FXN: variants seen among roughly 807,000 people sequenced by gnomAD.
FXN encodes the protein frataxin, also known as frataxin, mitochondrial.
Under a neutral mutation model 22.4 loss-of-function variants are expected in FXN, and 14 were observed. The observed-to-expected ratio is 0.62, with a 90% CI of 0.41 to 0.98. The LOEUF is 0.98. Ranked by LOEUF, FXN falls within the 50% of genes least tolerant of loss-of-function variation. The pLI, the probability that FXN is intolerant of heterozygous loss-of-function variation, is 0.00. For synonymous variants in FXN, 120 were observed against 114.1 expected (o/e 1.05, Z -0.33); for missense variants, 267 against 268.4 (o/e 0.99, Z 0.04).
intron 3 of FXN, among the ~76,000 whole-genome samples, chr9:69,058,943 C>G (rs1832014255): frequency 6.6e-6 from 1 of 152,132 alleles, no homozygotes; most frequent in African/African-American, 2.4e-5. Flanking sequence ...TGGCAGGCAC[C>G]TGTAGTCCCA....
intron 1 of FXN, among the ~76,000 whole-genome samples, chr9:69,038,913 A>G (rs1257772085): frequency 6.6e-6 from 1 of 152,222 alleles, no homozygotes; most frequent in Non-Finnish European, 1.5e-5. Flanking sequence ...TAAAATTCAC[A>G]ATTAAAAATG....
At chr9:69,040,141 T>C (rs1587814705) in intron 1 of FXN, among the ~76,000 whole-genome samples, 1 of 152,254 alleles carries the variant, frequency 6.6e-6, no homozygotes, top group East Asian at 1.9e-4. Flanking sequence ...ATTCAAACCA[T>C]AGCATGCTGT....
chr9:69,058,163 G>A (rs1156512166), intron 3 of FXN, among the ~76,000 whole-genome samples: 3 of 152,168 alleles, frequency 2.0e-5, no homozygotes, highest in African/African-American at 7.2e-5. Flanking sequence ...AGACTTAAGT[G>A]GCTTCTTAAC....
chr9:69,059,391 C>CTTTTTTTTTTTTTTT (rs35159671), intron 3 of FXN, among the ~76,000 whole-genome samples: 1 of 62,996 alleles, frequency 1.6e-5, no homozygotes, highest in Non-Finnish European at 2.6e-5. Context: ...GAGGCAGCAT[C>CTTTTTTTTTTTTTTT]TTTTTTTTTT....
intron 1 of FXN, among the ~76,000 whole-genome samples, chr9:69,039,179 G>A (rs1831612485): frequency 1.3e-5 from 2 of 151,972 alleles, no homozygotes; most frequent in South Asian, 2.1e-4. Flanking sequence ...CTTGAACCCG[G>A]GAGGTGGTGG....
intron 2 of FXN, among the ~76,000 whole-genome samples, chr9:69,047,710 C>T (rs1011037443): frequency 4.0e-5 from 6 of 151,548 alleles, no homozygotes; most frequent in African/African-American, 1.5e-4. Context: ...AGACTCATTT[C>T]TCTCTCTCTC....
chr9:69,052,216 C>A (rs1038378603), intron 2 of FXN, among the ~76,000 whole-genome samples: 10 of 151,250 alleles, frequency 6.6e-5, no homozygotes, highest in African/African-American at 2.4e-4. Context: ...TGCAGTGGCA[C>A]AATGTCAGCT....
chr9:69,069,519 C>T (rs1832234796), intron 4 of FXN, among the ~76,000 whole-genome samples: 1 of 152,166 alleles, frequency 6.6e-6, no homozygotes, highest in Non-Finnish European at 1.5e-5. Flanking sequence ...TGACACTCAC[C>T]CCGCTGAATG....
In FXN at chr9:69,053,161, T is replaced by C. The variant is rs372775073; in HGVS notation, c.285T>C (p.Tyr95=). ...GHPGSLDETT[Y]ERLAEETLDS... is the part of the protein sequence containing the mutation. ...GCAGCTCTCTAGATGAGACCACCTA[T>C]GAAAGACTAGCAGAGGAAACGCTGG... is the stretch of plus-strand genomic sequence containing the variant. Residue 95 remains tyrosine, a synonymous_variant, in exon 3 of 5, where the codon TAT becomes TAC. Coordinates refer to ENST00000484259, the MANE Select transcript of FXN (RefSeq NM_000144.5). 2.5e-6 allele frequency: 4 copies of C among 1,614,012 alleles called. No homozygotes were observed. The highest frequency in any genetic ancestry group is 1.3e-5 in the African/African-American group (1 of 75,042).
chr9:69,047,789 C>T (rs983323533), intron 2 of FXN, among the ~76,000 whole-genome samples: 1 of 152,088 alleles, frequency 6.6e-6, no homozygotes, highest in Non-Finnish European at 1.5e-5. Flanking sequence ...GCGATCTCGG[C>T]TCACTGCAGC....
chr9:69,041,898 C>T (rs900515346), intron 1 of FXN, among the ~76,000 whole-genome samples: 7 of 152,188 alleles, frequency 4.6e-5, no homozygotes, highest in African/African-American at 1.7e-4. Context: ...CAAGGGCTCA[C>T]GGGTGACCTG....
At chr9:69,037,797 C>T (rs576423115) in intron 1 of FXN, among the ~76,000 whole-genome samples, 1 of 152,238 alleles carries the variant, frequency 6.6e-6, no homozygotes, top group Middle Eastern at 3.4e-3. Context: ...CTCAGCCTCC[C>T]GAGTAGCTGG....
intron 1 of FXN, chr9:69,043,327 G>T (rs1831690868): frequency 6.6e-6 from 1 of 152,172 alleles, no homozygotes; most frequent in African/African-American, 2.4e-5. Flanking sequence ...GCACGAGGAG[G>T]CTGTGATGTT....
chr9:69,044,456 C>T (rs1279613703), intron 1 of FXN, among the ~76,000 whole-genome samples: 2 of 152,148 alleles, frequency 1.3e-5, no homozygotes, highest in East Asian at 1.9e-4. Context: ...TACTTCCCAG[C>T]CCTGTGCCTT....
intron 1 of FXN, among the ~76,000 whole-genome samples, chr9:69,043,871 A>G (rs1225185589): frequency 6.6e-6 from 1 of 152,078 alleles, no homozygotes; most frequent in Admixed American, 6.5e-5. Flanking sequence ...GGCACGAACC[A>G]CAATGCCCGG....
At chr9:69,041,399 A>T (rs1408374006) in intron 1 of FXN, among the ~76,000 whole-genome samples, 4 of 152,192 alleles carry the variant, frequency 2.6e-5, no homozygotes, top group Non-Finnish European at 5.9e-5. Context: ...CACACTGTAA[A>T]TCACACTATC....
chr9:69,073,294 C>T lies in FXN; in HGVS notation c.*532C>T, dbSNP rs756261701. On this transcript the variant is annotated 3_prime_UTR_variant, in exon 5 of 5. Transcript: ENST00000484259. ...ATTGAAGTGTCGAAAGCAACTCACA[C>T]GGGAAGATCATTTCTTATTTGTGCT... 7.0e-6 allele frequency: 7 copies of T among 1,002,698 alleles called. No individual in the cohort carries two copies. The highest frequency in any genetic ancestry group is 8.3e-6 in the Non-Finnish European group (7 of 839,762). 62.1% of individuals were successfully genotyped at this position (1,002,698 alleles called of 1,614,324 possible).
chr9:69,064,514 G>A (rs957642378), intron 3 of FXN, among the ~76,000 whole-genome samples: 2 of 152,152 alleles, frequency 1.3e-5, no homozygotes, highest in East Asian at 3.9e-4. Flanking sequence ...TGTCATGTCT[G>A]ATGTTTGAGT....
rs370579006 is a variant in FXN at position 69,037,130 on chromosome 9, AATGG to A, written c.165+1186_165+1189del. Among the ~76,000 whole-genome samples the A allele has an allele frequency of 5.3e-4, 80 of 152,010 alleles. No homozygotes were observed. In the East Asian group the frequency reaches 0.01, roughly 19 times the overall value. On this transcript the variant is annotated intron_variant, in intron 1 of 4. Transcript: ENST00000484259. Reference sequence around the variant, plus strand: ...AGTGCTTAAAAGTTAGGACTTAGAAAATGGATTTCCTGGCAGGACGCGGTGGCTC... The same window carrying A: ...AGTGCTTAAAAGTTAGGACTTAGAAAATTTCCTGGCAGGACGCGGTGGCTC...
Sources: allele counts gnomAD v4.1 joint callset (sites outside exome capture counted in the v4.1 genomes callset), GRCh38; gene constraint gnomAD v4.1.1; transcripts MANE v1.5; gene names NCBI Gene and HGNC (gene_info 2026-07-23, HGNC 2026-07-21).